Variants in ZNF418 observed in about 807,000 individuals in gnomAD.
ZNF418 encodes zinc finger protein 418.
A neutral mutation model predicts 32.0 loss-of-function variants in ZNF418; 32 were observed. The ratio of observed to expected loss-of-function variants is 1.00; its 90% CI spans 0.75 to 1.34. ZNF418 has a LOEUF of 1.34. Among genes scored for constraint, ZNF418 ranks in the 40% most tolerant of loss-of-function variants. The pLI, the probability that ZNF418 is intolerant of heterozygous loss-of-function variation, is 0.00. For synonymous variants in ZNF418, 276 were observed against 270.7 expected (o/e 1.02, Z -0.19); for missense variants, 804 against 812.5 (o/e 0.99, Z 0.13).
In ZNF418 at chr19:57,933,902, C is replaced by A; in HGVS notation, c.-80G>T. The A allele has an allele frequency of 6.2e-7, 1 of 1,613,060 alleles. No homozygotes were observed. The highest frequency in any genetic ancestry group is 1.1e-5 in the South Asian group (1 of 91,066). On this transcript the variant is annotated splice_region_variant and 5_prime_UTR_variant, in exon 2 of 6. Transcript: ENST00000396147. ...TTCTCTTCTTTGCAGCCAGATGATG[C>A]CTGCAGACAAATGGGACTGTGGTAA...
Position 57,927,506 on chromosome 19 carries a change from G to C in ZNF418, c.675C>G (p.Pro225=), listed in dbSNP as rs778162082. The change falls in exon 4 of 6, where the codon CCC becomes CCG. Residue 225 remains proline, a synonymous_variant. Coordinates refer to ENST00000396147, the MANE Select transcript of ZNF418 (RefSeq NM_133460.3). ...KHVFVQQQRL[P]SREECYCWEC... ...CCCAGCAATAACATTCCTCTCTAGA[G>C]GGAAGTCTCTGCTGTTGAACAAATA... 1.2e-6 allele frequency: 2 copies of C among 1,614,238 alleles called. No homozygotes were observed. Among genetic ancestry groups the C allele is most frequent in the Non-Finnish European group, 8.5e-7 (1 of 1,180,052 alleles).
Position 57,926,011 on chromosome 19 carries a change from T to G in ZNF418, c.*139A>C. On this transcript the variant is annotated 3_prime_UTR_variant, in exon 4 of 6. Coordinates refer to ENST00000396147, the MANE Select transcript of ZNF418 (RefSeq NM_133460.3). ...CAAGAGGCCCTTCTGCAGTGGGAGC[T>G]CTTCTGTATGTAATAAAACAAGACT... 1.4e-6 allele frequency: 1 copy of G among 701,384 alleles called. No homozygotes were observed. Among genetic ancestry groups the G allele is most frequent in the Admixed American group, 2.9e-5 (1 of 33,950 alleles). 43.4% of individuals were successfully genotyped at this position (701,384 alleles called of 1,614,324 possible).
At chr19:57,929,196 C>T (rs1252196730) in intron 3 of ZNF418, among the ~76,000 whole-genome samples, 2 of 152,058 alleles carry the variant, frequency 1.3e-5, no homozygotes, top group Non-Finnish European at 2.9e-5. Flanking sequence ...AAATCTGATG[C>T]TCTCAAGAAT....
intron 3 of ZNF418, 45 bp from the exon 4 acceptor site, chr19:57,928,092 G>A: frequency 6.8e-7 from 1 of 1,473,836 alleles, no homozygotes; most frequent in South Asian, 1.4e-5. Context: ...ACTCTGGTGG[G>A]AAGGCACAGC....
chr19:57,930,690 T>C, intron 2 of ZNF418, 136 bp from the exon 3 acceptor site: 1 of 1,317,936 alleles, frequency 7.6e-7, no homozygotes, highest in Non-Finnish European at 1.1e-6. Flanking sequence ...AGTCCACTGG[T>C]GCCTTTGTCT....
chr19:57,933,785 C>A, intron 2 of ZNF418, 32 bp downstream of exon 2: 1 of 1,613,564 alleles, frequency 6.2e-7, no homozygotes, highest in East Asian at 2.2e-5. Flanking sequence ...GCCACAGCTC[C>A]TTACTCATTA....
In ZNF418 at chr19:57,926,047, G is replaced by C. The variant is rs1261736563; in HGVS notation, c.*103C>G. 1.0e-6 allele frequency: 1 copy of C among 993,340 alleles called. No homozygotes were observed. 61.5% of individuals were successfully genotyped at this position (993,340 alleles called of 1,614,324 possible). A position where few individuals can be genotyped will look rare whatever the true frequency, so the allele number is the denominator to read the frequency against. ...TAATAAAACAAGACTTCTGCATAAA[G>C]AATATCCCACGTTTGTCACACTCAT... On this transcript the variant is annotated 3_prime_UTR_variant, in exon 4 of 6. Coordinates refer to ENST00000396147, the MANE Select transcript of ZNF418 (RefSeq NM_133460.3).
intron 1 of ZNF418, chr19:57,934,175 G>A (rs1289261368): frequency 3.3e-6 from 4 of 1,200,660 alleles, no homozygotes; most frequent in Non-Finnish European, 4.2e-6. Context: ...TAGAGAACAT[G>A]TGAATGGGGA....
rs1009793469 is a variant in ZNF418 at position 57,930,445 on chromosome 19, A to G, written c.116T>C (p.Val39Ala). The change falls in exon 3 of 6, where the codon GTA becomes GCA. Residue 39 changes from valine to alanine, a missense_variant. Val to Ala is a moderately conservative substitution (Grantham distance 64, BLOSUM62 0). This residue lies in a region of ZNF418 where 307 missense variants were observed against 304.9 expected (regional missense o/e 1.01). Coordinates refer to ENST00000396147, the MANE Select transcript of ZNF418 (RefSeq NM_133460.3). ...GAACTTACCCAGGGAGGATATAAGT[A>G]CCCAGTTCTCCAGCATCACGTCATG... Reference protein sequence around the residue: ...LYHDVMLENWVLISSLGCWCG... With the variant: ...LYHDVMLENWALISSLGCWCG... 4 of 1,614,152 alleles carry G rather than the reference A, an allele frequency of 2.5e-6. No individual in the cohort carries two copies. The highest frequency in any genetic ancestry group is 3.4e-6 in the Non-Finnish European group (4 of 1,180,016).
rs546833515 is a variant in ZNF418, at chr19:57,934,278, T to C, written c.-80-376A>G. ...TTCGCTCTTGTTGCCCAGGCCGGAGTGCAATGGCTCACCGCAACCTCTGCC... is the reference window on the plus strand; with the variant it reads ...TTCGCTCTTGTTGCCCAGGCCGGAGCGCAATGGCTCACCGCAACCTCTGCC... On this transcript the variant is annotated intron_variant, in intron 1 of 5. Transcript: ENST00000396147. The C allele has an allele frequency of 8.4e-5, 83 of 983,578 alleles. 1 individual carries two copies. In the South Asian group the frequency reaches 2.6e-3, roughly 30 times the overall value. 60.9% of individuals were successfully genotyped at this position (983,578 alleles called of 1,614,324 possible). A position where few individuals can be genotyped will look rare whatever the true frequency, so the allele number is the denominator to read the frequency against.
rs143855586 is a variant in ZNF418 at position 57,929,768 on chromosome 19, C to T, written c.133+660G>A. On this transcript the variant is annotated intron_variant, in intron 3 of 5. Transcript: ENST00000396147. ...TGCGATCTCAGCTCACTGCAAGCTC[C>T]GCCTCCCAGGTTCACACCATTCTCC... Among the ~76,000 whole-genome samples, 307 of 152,072 alleles carry T rather than the reference C, an allele frequency of 2.0e-3. 2 individuals carry two copies. The highest frequency in any genetic ancestry group is 6.7e-3 in the African/African-American group (279 of 41,470).
At chr19:57,934,896 C>T in intron 1 of ZNF418, 1 of 617,380 alleles carries the variant, frequency 1.6e-6, no homozygotes, top group Non-Finnish European at 2.4e-6. Context: ...AGCTTCGCCT[C>T]ACACGTTGTT....
At chr19:57,923,866 G>A (rs899214812) in intron 4 of ZNF418, among the ~76,000 whole-genome samples, 6 of 151,204 alleles carry the variant, frequency 4.0e-5, no homozygotes, top group Admixed American at 2.0e-4. Context: ...GTGAGCCACC[G>A]TGCCTGGCCA....
chr19:57,927,265 G>A lies in ZNF418; in HGVS notation c.916C>T (p.Arg306Ter), dbSNP rs535091284. Residue 306 changes from arginine (R) to a stop codon, truncating the protein, a stop_gained, in exon 4 of 6, where the codon CGA (arginine) becomes TGA (stop). Coordinates refer to ENST00000396147, the MANE Select transcript of ZNF418 (RefSeq NM_133460.3). LOFTEE classifies it high-confidence loss of function. The stretch of plus-strand genomic sequence containing the variant: ...TAAGGTCTTTCTCCAGTATGAACTC[G>A]CTGATGCTGAACAAGGCTGCCCTTA... ...SHKGSLVQHQ[R>*]VHTGERPYEC... is the part of the protein sequence containing the mutation. The A allele has an allele frequency of 1.6e-5, 26 of 1,613,846 alleles. 1 individual carries two copies. The highest frequency in any genetic ancestry group is 8.9e-5 in the East Asian group (4 of 44,888).
intron 4 of ZNF418, among the ~76,000 whole-genome samples, 160 bp from the exon 5 acceptor site, chr19:57,923,449 T>TAC (rs1013951931): frequency 6.0e-4 from 91 of 150,892 alleles, no homozygotes; most frequent in African/African-American, 2.0e-3. Context: ...CATACATATA[T>TAC]ACACACATAT....
At position 57,925,789 on chromosome 19, in the gene ZNF418, A is replaced by C. The variant is rs886299670; in HGVS notation, c.*361T>G. 2 of 201,852 alleles carry C rather than the reference A, an allele frequency of 9.9e-6. No homozygotes were observed. Among genetic ancestry groups the C allele is most frequent in the Non-Finnish European group, 2.0e-5 (2 of 98,646 alleles). The allele number at this position is 201,852 out of a possible 1,614,324, so 12.5% of individuals were successfully genotyped here. On this transcript the variant is annotated 3_prime_UTR_variant, in exon 4 of 6. Coordinates refer to ENST00000396147, the MANE Select transcript of ZNF418 (RefSeq NM_133460.3). ...AACCCGGCAGGGTGAAAAATGCCAC[A>C]CAGCTCCAACATAATTGAGTTTATG... is the stretch of plus-strand genomic sequence containing the variant.
At position 57,924,594 on chromosome 19, in the gene ZNF418, T is replaced by C. The variant is rs569505855; in HGVS notation, c.*527+1029A>G. ...TGCAGTGTCCTCCACTGCCTATAAA[T>C]GCAGAAATTCTATAAATTATGACTT... On this transcript the variant is annotated intron_variant, in intron 4 of 5. Transcript: ENST00000396147. 8.5e-4 allele frequency among the ~76,000 whole-genome samples: 130 copies of C among 152,270 alleles called. 1 individual carries two copies. The South Asian group carries it at 0.012, about 14-fold the overall frequency.
At chr19:57,933,345 C>T (rs1012861778) in intron 2 of ZNF418, among the ~76,000 whole-genome samples, 6 of 152,074 alleles carry the variant, frequency 3.9e-5, no homozygotes, top group African/African-American at 1.4e-4. Context: ...TTTGGGAGGC[C>T]GAGACGGGTA....
Position 57,927,442 on chromosome 19 carries a change from T to A in ZNF418, c.739A>T (p.Asn247Tyr). Residue 247 changes from asparagine to tyrosine, a missense_variant, in exon 4 of 6, where the codon AAT (asparagine) becomes TAT (tyrosine). This residue lies in a region of ZNF418 where 307 missense variants were observed against 304.9 expected (regional missense o/e 1.01). Transcript: ENST00000396147. ...KSFSKYDSVS[N>Y]HQRVHTGKRP... ...TTCCCAGTGTGAACTCTCTGATGAT[T>A]ACTGACGCTATCATATTTGCTAAAG... The A allele has an allele frequency of 6.2e-7, 1 of 1,614,234 alleles. No individual in the cohort carries two copies. The highest frequency in any genetic ancestry group is 8.5e-7 in the Non-Finnish European group (1 of 1,180,042).
Sources: allele counts gnomAD v4.1 joint callset (sites outside exome capture counted in the v4.1 genomes callset), GRCh38; gene constraint gnomAD v4.1.1; regional missense constraint gnomAD v4.1.1; transcripts MANE v1.5; gene names NCBI Gene and HGNC (gene_info 2026-07-23, HGNC 2026-07-21).